The following LINGO2 variants were observed in gnomAD, a reference collection of about 807,000 sequenced individuals.
LINGO2 encodes leucine-rich repeat and immunoglobulin-like domain-containing nogo receptor-interacting protein 2.
In LINGO2, 14 loss-of-function variants were observed where a neutral mutation model predicts 30.6. That is an observed-to-expected ratio of 0.46 (90% CI 0.30 to 0.72). The LOEUF (loss-of-function observed/expected upper bound fraction) is 0.72, where lower values mean the gene tolerates loss of function less well. Among genes scored for constraint, LINGO2 ranks in the 30% least tolerant of loss-of-function variants. The pLI is 0.07. For synonymous variants in LINGO2, 317 were observed against 288.5 expected, an observed-to-expected ratio of 1.10 and a Z score of -1.00; for missense variants, 729 against 751.7, an observed-to-expected ratio of 0.97 and a Z score of 0.35.
At chr9:28,916,571 G>A in the LINGO2 span, among the ~76,000 whole-genome samples, 1 of 151,994 alleles carries the variant, frequency 6.6e-6, no homozygotes, top group South Asian at 2.1e-4. Flanking sequence ...TTAATCACCT[G>A]GAAGCCACAC....
At chr9:28,106,611 T>C (rs1183718944) in intron 4 of LINGO2, among the ~76,000 whole-genome samples, 1 of 152,188 alleles carries the variant, frequency 6.6e-6, no homozygotes, top group Non-Finnish European at 1.5e-5. Context: ...TAGTCTTACC[T>C]GTTTCTTCCT....
the LINGO2 span, among the ~76,000 whole-genome samples, chr9:28,934,688 A>C: frequency 1.6e-5 from 2 of 126,522 alleles, no homozygotes; most frequent in African/African-American, 5.9e-5. Context: ...AGGGATAAAA[A>C]AGTTAAAACA....
Position 28,084,257 on chromosome 9 carries a change from CTTTGT to C in LINGO2, c.-86-71857_-86-71853del, listed in dbSNP as rs1397754512. 5.3e-5 allele frequency among the ~76,000 whole-genome samples: 8 copies of C among 151,936 alleles called. No homozygotes were observed. In the East Asian group the frequency reaches 1.5e-3, roughly 29 times the overall value. ...GTACTAAAATCATTCTAATTATGTT[CTTTGT>C]TTTATTTGGCTTTTAAAAACAATTT... On this transcript the variant is annotated intron_variant, in intron 4 of 5. Coordinates refer to ENST00000379992, the Ensembl canonical transcript of LINGO2.
chr9:28,765,077 G>C, the LINGO2 span, among the ~76,000 whole-genome samples: 1 of 151,884 alleles, frequency 6.6e-6, no homozygotes, highest in South Asian at 2.1e-4. Context: ...TACCTAAAGT[G>C]ATCTACAAAT....
chr9:28,979,063 C>T, the LINGO2 span, among the ~76,000 whole-genome samples: 1 of 152,076 alleles, frequency 6.6e-6, no homozygotes, highest in Non-Finnish European at 1.5e-5. Flanking sequence ...CTCTTCTACC[C>T]TGCTGTCTGC....
the LINGO2 span, among the ~76,000 whole-genome samples, chr9:29,122,247 A>G: frequency 7.2e-5 from 11 of 152,236 alleles, no homozygotes; most frequent in South Asian, 8.3e-4. Context: ...AAGGAAAACA[A>G]ATCTCATTGG....
chr9:28,567,962 C>T lies in LINGO2; in HGVS notation c.-364-91937G>A, dbSNP rs112773321. On this transcript the variant is annotated intron_variant, in intron 1 of 5. Coordinates refer to ENST00000379992, the Ensembl canonical transcript of LINGO2. ...AGTTCGAACAAGCAAAGCTGACTTC[C>T]CATCCCACAAAATAAAAGATTCAGC... Among the ~76,000 whole-genome samples the T allele has an allele frequency of 1.4e-4, 22 of 152,126 alleles. 1 individual carries two copies. The highest frequency in any genetic ancestry group is 5.1e-4 in the African/African-American group (21 of 41,536).
At chr9:29,212,079 G>A in the LINGO2 span, among the ~76,000 whole-genome samples, 3 of 152,202 alleles carry the variant, frequency 2.0e-5, no homozygotes, top group Admixed American at 2.0e-4. Context: ...GGAGGAGAAA[G>A]AGGGCATTAC....
At chr9:28,789,260 TAAGGA>T in the LINGO2 span, among the ~76,000 whole-genome samples, 3 of 152,144 alleles carry the variant, frequency 2.0e-5, no homozygotes, top group East Asian at 1.9e-4. Context: ...TGTTTTGAGA[TAAGGA>T]AAGAGGAATA....
At chr9:29,055,999 T>A in the LINGO2 span, among the ~76,000 whole-genome samples, 1 of 139,036 alleles carries the variant, frequency 7.2e-6, no homozygotes, top group African/African-American at 2.6e-5. Context: ...CCACATTTTC[T>A]TTATCCACTC....
chr9:28,601,862 G>A (rs970979564), intron 1 of LINGO2, among the ~76,000 whole-genome samples: 1 of 152,016 alleles, frequency 6.6e-6, no homozygotes, highest in Non-Finnish European at 1.5e-5. Context: ...TCTAGAATGT[G>A]TTATATAAAG....
the LINGO2 span, among the ~76,000 whole-genome samples, chr9:28,806,371 G>A: frequency 6.6e-6 from 1 of 152,216 alleles, no homozygotes; most frequent in East Asian, 1.9e-4. Context: ...TTACTGTCAA[G>A]GTCCTCTGCT....
chr9:28,976,794 T>C, the LINGO2 span, among the ~76,000 whole-genome samples: 43 of 152,134 alleles, frequency 2.8e-4, no homozygotes, highest in East Asian at 8.1e-3. Flanking sequence ...AAAAGAATTC[T>C]TATCTCCAAT....
intron 4 of LINGO2, among the ~76,000 whole-genome samples, chr9:28,194,392 C>T (rs917388267): frequency 4.6e-5 from 7 of 151,920 alleles, no homozygotes; most frequent in Non-Finnish European, 1.5e-5. Context: ...TACCAGTTTA[C>T]AGATGTGGAA....
In LINGO2 at chr9:28,122,476, A is replaced by T. The variant is rs114005014; in HGVS notation, c.-86-110071T>A. On this transcript the variant is annotated intron_variant, in intron 4 of 5. Transcript: ENST00000379992. ...TATCAGCATTATTGTTTTGTCTATA[A>T]GAAAATAGAGAATCAGAAAGTTTTG... Among the ~76,000 whole-genome samples, 817 of 152,334 alleles carry T rather than the reference A, an allele frequency of 5.4e-3. 9 individuals are homozygous for T. Among genetic ancestry groups the T allele is most frequent in the African/African-American group, 0.016 (660 of 41,570 alleles).
At chr9:28,731,227 G>A in the LINGO2 span, among the ~76,000 whole-genome samples, 2,724 of 152,126 alleles carry the variant, frequency 0.018, 62 homozygotes, top group Middle Eastern at 0.034. Context: ...AACCTCAGGC[G>A]ATCCACCCGC....
chr9:29,154,410 A>G, the LINGO2 span, among the ~76,000 whole-genome samples: 3 of 146,386 alleles, frequency 2.0e-5, no homozygotes, highest in Non-Finnish European at 4.5e-5. Flanking sequence ...AGATCGCGCC[A>G]CTGCATTCCA....
At chr9:28,650,062 A>G (rs1372469922) in intron 1 of LINGO2, among the ~76,000 whole-genome samples, 2 of 151,992 alleles carry the variant, frequency 1.3e-5, no homozygotes, top group African/African-American at 4.8e-5. Flanking sequence ...AACAAACACT[A>G]GAGAGGTAGC....
the LINGO2 span, among the ~76,000 whole-genome samples, chr9:28,801,321 T>G: frequency 6.6e-6 from 1 of 152,026 alleles, no homozygotes; most frequent in Non-Finnish European, 1.5e-5. Flanking sequence ...CAGGAGAGTG[T>G]ATACTGAGCA....
Sources: gnomAD v4.1 joint callset for allele counts (sites outside exome capture counted in the v4.1 genomes callset) on GRCh38, gnomAD v4.1.1 for gene constraint, MANE v1.5 for transcripts, NCBI Gene and HGNC (gene_info 2026-07-23, HGNC 2026-07-21) for gene names.